The following CORO2B variants were observed in gnomAD, a reference collection of about 807,000 sequenced individuals.
The protein encoded by CORO2B is coronin-2B.
A neutral mutation model predicts 58.8 loss-of-function variants in CORO2B; 26 were observed. The observed-to-expected ratio is 0.44, with a 90% CI of 0.32 to 0.61. CORO2B has a LOEUF of 0.61. CORO2B is among the 20% of genes least tolerant of loss of function. The pLI is 0.04. For missense variants in CORO2B, 460 were observed against 645.1 expected, an observed-to-expected ratio of 0.71 and a Z score of 3.11; for synonymous variants, 242 against 253.8, an observed-to-expected ratio of 0.95 and a Z score of 0.44.
chr15:68,669,855 G>A (rs1273499538), intron 2 of CORO2B, among the ~76,000 whole-genome samples: 8 of 151,960 alleles, frequency 5.3e-5, no homozygotes, highest in African/African-American at 1.5e-4. Context: ...TCAGGACTTC[G>A]AGACCAGCCT....
intron 1 of CORO2B, among the ~76,000 whole-genome samples, chr15:68,638,529 A>T (rs984802863): frequency 3.3e-5 from 5 of 152,232 alleles, no homozygotes; most frequent in Admixed American, 1.3e-4. Context: ...TCTGACTCCT[A>T]AAACTCTTCC....
At chr15:68,627,459 A>T (rs192876025) in intron 1 of CORO2B, among the ~76,000 whole-genome samples, 2 of 152,202 alleles carry the variant, frequency 1.3e-5, no homozygotes, top group African/African-American at 4.8e-5. Context: ...TGGGAGAGAG[A>T]TGAGTAAAAT....
chr15:68,584,234 C>G (rs1899499929), intron 1 of CORO2B, among the ~76,000 whole-genome samples: 1 of 152,224 alleles, frequency 6.6e-6, no homozygotes, highest in Non-Finnish European at 1.5e-5. Flanking sequence ...CTCTTTCCTT[C>G]CTTACTGTCT....
At chr15:68,670,633 T>C (rs1004080778) in intron 2 of CORO2B, among the ~76,000 whole-genome samples, 5 of 152,100 alleles carry the variant, frequency 3.3e-5, no homozygotes, top group African/African-American at 1.2e-4. Context: ...CAATACACCA[T>C]TAGGAAATAA....
Position 68,726,197 on chromosome 15 carries a change from T to G in CORO2B, c.*223T>G. The G allele has an allele frequency of 3.9e-6, 2 of 514,084 alleles. No individual in the cohort carries two copies. Among genetic ancestry groups the G allele is most frequent in the Non-Finnish European group, 3.4e-6 (1 of 295,842 alleles). The allele number at this position is 514,084 out of a possible 1,614,324, so 31.8% of individuals were successfully genotyped here. A position where few individuals can be genotyped will look rare whatever the true frequency, so the allele number is the denominator to read the frequency against. ...GGAGACCCCCTGCCGGCAGCCCCTT[T>G]CCCTGCCACCCCAGGAGCCAGGCTT... is the stretch of plus-strand genomic sequence containing the variant. On this transcript the variant is annotated 3_prime_UTR_variant, in exon 12 of 12. Coordinates refer to ENST00000261861, the MANE Select transcript of CORO2B (RefSeq NM_006091.5).
At chr15:68,703,991 C>T (rs1015932259) in intron 3 of CORO2B, among the ~76,000 whole-genome samples, 1 of 149,958 alleles carries the variant, frequency 6.7e-6, no homozygotes, top group Non-Finnish European at 1.5e-5. Context: ...CTCAGGAGTT[C>T]GAGACCAACC....
chr15:68,686,038 CTTTTTTTTTTTTTTTT>C (rs1902964099), intron 2 of CORO2B, among the ~76,000 whole-genome samples: 2 of 68,370 alleles, frequency 2.9e-5, no homozygotes, highest in African/African-American at 4.9e-5. Flanking sequence ...TTTTTTTTTT[CTTTTTTTTTTTTTTTT>C]GAGACGGAGT....
chr15:68,633,514 T>TACATACACACACACACACACACAC (rs1555412723), intron 1 of CORO2B, among the ~76,000 whole-genome samples: 2 of 144,000 alleles, frequency 1.4e-5, no homozygotes, highest in African/African-American at 5.2e-5. Context: ...TACTCCAACA[T>TACATACACACACACACACACACAC]ACACACACAC....
At chr15:68,537,084 A>G in the CORO2B span, among the ~76,000 whole-genome samples, 2 of 152,264 alleles carry the variant, frequency 1.3e-5, no homozygotes, top group Non-Finnish European at 2.9e-5. Context: ...ACACAAGCCT[A>G]ATCTAGTGTT....
At chr15:68,561,382 C>T in the CORO2B span, among the ~76,000 whole-genome samples, 1 of 152,254 alleles carries the variant, frequency 6.6e-6, no homozygotes, top group African/African-American at 2.4e-5. Context: ...TCCCTCCCTC[C>T]CCGACTCTCC....
intron 1 of CORO2B, among the ~76,000 whole-genome samples, chr15:68,590,423 C>T (rs1899675372): frequency 6.6e-6 from 1 of 152,154 alleles, no homozygotes; most frequent in East Asian, 1.9e-4. Context: ...GTTACCCCCA[C>T]TTTTCAGAGG....
intron 1 of CORO2B, among the ~76,000 whole-genome samples, chr15:68,598,057 AC>A (rs1372663110): frequency 1.3e-5 from 2 of 152,192 alleles, no homozygotes; most frequent in East Asian, 3.8e-4. Flanking sequence ...TGATTTCTCC[AC>A]CTTTTCTTCA....
At chr15:68,681,129 C>T (rs202104898) in intron 2 of CORO2B, among the ~76,000 whole-genome samples, 27,196 of 152,098 alleles carry the variant, frequency 0.18, 2,987 homozygotes, top group Non-Finnish European at 0.24. Context: ...AGGAGAATCG[C>T]TTGAACCCAG....
chr15:68,579,291 GC>G lies in CORO2B; in HGVS notation c.15+17del. On this transcript the variant is annotated intron_variant, in intron 1 of 11. Coordinates refer to ENST00000261861, the MANE Select transcript of CORO2B (RefSeq NM_006091.5). The stretch of plus-strand genomic sequence containing the variant: ...ACTGTCACAAAGGTAAGCGCCGCTC[GC>G]CCGCCGCGCCCGGGACCCGCCGGCG... 2 of 1,283,162 alleles carry G rather than the reference GC, an allele frequency of 1.6e-6. No homozygotes were observed. Among genetic ancestry groups the G allele is most frequent in the Admixed American group, 6.5e-5 (2 of 30,916 alleles). The allele number at this position is 1,283,162 out of a possible 1,614,324, so 79.5% of individuals were successfully genotyped here.
At chr15:68,535,277 C>T in the CORO2B span, among the ~76,000 whole-genome samples, 1 of 152,204 alleles carries the variant, frequency 6.6e-6, no homozygotes, top group Admixed American at 6.5e-5. Flanking sequence ...ACGCTGGAGG[C>T]ATCTCTCTGT....
At chr15:68,707,827 CA>C (rs1892818168) in intron 3 of CORO2B, among the ~76,000 whole-genome samples, 1 of 152,184 alleles carries the variant, frequency 6.6e-6, no homozygotes, top group African/African-American at 2.4e-5. Context: ...GTTCCCCCTG[CA>C]CCCTCTCAGT....
intron 2 of CORO2B, among the ~76,000 whole-genome samples, chr15:68,659,921 C>CA (rs531730852): frequency 1.3e-5 from 2 of 151,646 alleles, no homozygotes; most frequent in Non-Finnish European, 2.9e-5. Flanking sequence ...TTTCAAAAAA[C>CA]AAAAAAAGTC....
At chr15:68,725,793 A>C in intron 11 of CORO2B, 50 bp from the exon 12 acceptor site, 2 of 1,606,476 alleles carry the variant, frequency 1.2e-6, no homozygotes, top group Non-Finnish European at 1.7e-6. Flanking sequence ...TCCTTGTCTC[A>C]CCTGCTCTCT....
At chr15:68,626,735 A>G (rs1422031605) in intron 1 of CORO2B, among the ~76,000 whole-genome samples, 1 of 152,130 alleles carries the variant, frequency 6.6e-6, no homozygotes, top group Non-Finnish European at 1.5e-5. Context: ...CTGGGGAGAG[A>G]CCCAGGTGTC....
Sources: allele counts gnomAD v4.1 joint callset (sites outside exome capture counted in the v4.1 genomes callset), GRCh38; gene constraint gnomAD v4.1.1; transcripts MANE v1.5; gene names NCBI Gene and HGNC (gene_info 2026-07-23, HGNC 2026-07-21).